Variants in GRAMD1C observed in about 807,000 individuals in gnomAD.
GRAMD1C encodes the protein protein Aster-C.
GRAMD1C carries 89 observed loss-of-function variants against 97.8 expected under a neutral mutation model. The observed-to-expected ratio is 0.91, with a 90% CI of 0.77 to 1.09. GRAMD1C has a LOEUF of 1.09. GRAMD1C is among the 50% of genes least tolerant of loss of function. The probability of loss-of-function intolerance (pLI) is 0.00; values close to 1 mark genes in which losing one functional copy is unlikely to be tolerated. For synonymous variants in GRAMD1C, 256 were observed against 267.0 expected (o/e 0.96, Z 0.40); for missense variants, 740 against 766.4 (o/e 0.97, Z 0.41).
intron 10 of GRAMD1C, among the ~76,000 whole-genome samples, chr3:113,918,904 C>T (rs2107346177): frequency 6.6e-6 from 1 of 152,246 alleles, no homozygotes; most frequent in Non-Finnish European, 1.5e-5. Context: ...CTATGTTGCC[C>T]AGGCTGGTCT....
At chr3:113,833,002 T>A (rs1223109945) in intron 1 of GRAMD1C, among the ~76,000 whole-genome samples, 1 of 152,142 alleles carries the variant, frequency 6.6e-6, no homozygotes, top group African/African-American at 2.4e-5. Flanking sequence ...TGAGAGTTTT[T>A]CAAAGCCCTT....
intron 2 of GRAMD1C, among the ~76,000 whole-genome samples, chr3:113,861,169 A>C (rs1289871989): frequency 6.6e-6 from 1 of 152,166 alleles, no homozygotes; most frequent in Non-Finnish European, 1.5e-5. Context: ...CCCTTACTTC[A>C]CACCATATAC....
chr3:113,828,243 G>GT, exon 1 of GRAMD1C: 1 of 152,278 alleles, frequency 6.6e-6, no homozygotes, highest in East Asian at 1.9e-4. Flanking sequence ...AGGAATTGAG[G>GT]TCCCAAACCA....
intron 2 of GRAMD1C, chr3:113,850,829 T>C: frequency 2.2e-6 from 1 of 461,894 alleles, no homozygotes; most frequent in Non-Finnish European, 3.5e-6. Flanking sequence ...TGAGATGGAG[T>C]ATTGCTCTGT....
At chr3:113,864,270 C>T (rs781484509) in intron 2 of GRAMD1C, among the ~76,000 whole-genome samples, 37 of 151,982 alleles carry the variant, frequency 2.4e-4, no homozygotes, top group Non-Finnish European at 4.4e-4. Context: ...TGCACCACCA[C>T]GCTCGGCTAA....
chr3:113,884,239 A>C (rs1380323615), intron 6 of GRAMD1C, among the ~76,000 whole-genome samples: 1 of 152,336 alleles, frequency 6.6e-6, no homozygotes, highest in East Asian at 1.9e-4. Flanking sequence ...ATTTAACAGT[A>C]CTAAAATAAT....
At chr3:113,935,540 G>T (rs1039046987) in intron 13 of GRAMD1C, among the ~76,000 whole-genome samples, 1 of 151,520 alleles carries the variant, frequency 6.6e-6, no homozygotes, top group South Asian at 2.1e-4. Context: ...ATATATACGT[G>T]TGTGTATATA....
At chr3:113,933,705 AT>A in intron 12 of GRAMD1C, 52 bp downstream of exon 12, 2 of 1,279,250 alleles carry the variant, frequency 1.6e-6, no homozygotes, top group Non-Finnish European at 1.1e-6. Context: ...TGTCCTGGTA[AT>A]TTATTCATCC....
At chr3:113,941,846 C>T (rs890785209) in intron 17 of GRAMD1C, among the ~76,000 whole-genome samples, 13 of 151,378 alleles carry the variant, frequency 8.6e-5, no homozygotes, top group South Asian at 2.1e-4. Flanking sequence ...CTTGAGCTCT[C>T]GACCTCAGGT....
chr3:113,925,321 C>G (rs1367343662), intron 10 of GRAMD1C, among the ~76,000 whole-genome samples: 1 of 152,170 alleles, frequency 6.6e-6, no homozygotes, highest in African/African-American at 2.4e-5. Flanking sequence ...AAACGCATCT[C>G]TACTAAGAAT....
Position 113,883,480 on chromosome 3 carries a change from G to A in GRAMD1C, c.540+648G>A, listed in dbSNP as rs1359736192. Among the ~76,000 whole-genome samples, 7 of 150,644 alleles carry A rather than the reference G, an allele frequency of 4.6e-5. No individual in the cohort carries two copies. In the East Asian group the frequency reaches 5.9e-4, roughly 13 times the overall value. On this transcript the variant is annotated intron_variant, in intron 6 of 17. Coordinates refer to ENST00000358160, the MANE Select transcript of GRAMD1C (RefSeq NM_017577.5). ...GTCGAGGCTGCGGTGAGCCATTATC[G>A]TGCCACGGCACTCCAGCCTGGGTGA...
intron 10 of GRAMD1C, among the ~76,000 whole-genome samples, chr3:113,928,135 A>G (rs1344949522): frequency 1.3e-5 from 2 of 152,148 alleles, no homozygotes; most frequent in African/African-American, 4.8e-5. Flanking sequence ...TGCTGATCCC[A>G]GAGGGGCCGC....
chr3:113,841,841 G>A (rs1369573743), intron 1 of GRAMD1C, among the ~76,000 whole-genome samples: 1 of 152,144 alleles, frequency 6.6e-6, no homozygotes, highest in African/African-American at 2.4e-5. Flanking sequence ...AGGACTACAT[G>A]TGTGTACCAC....
rs371234706 is a variant in GRAMD1C, at chr3:113,890,548, C to T, written c.540+7716C>T. ...TCACTTTCAGATTCATTGTCATTAC[C>T]GTGGGGTGCTCTATTCTAGCACTGG... On this transcript the variant is annotated intron_variant, in intron 6 of 17. Coordinates refer to ENST00000358160, the MANE Select transcript of GRAMD1C (RefSeq NM_017577.5). 1.7e-4 allele frequency: 88 copies of T among 520,266 alleles called. 1 individual carries two copies. Among genetic ancestry groups the T allele is most frequent in the African/African-American group, 1.5e-3 (79 of 52,020 alleles). The allele number at this position is 520,266 out of a possible 1,614,324, so 32.2% of individuals were successfully genotyped here.
intron 17 of GRAMD1C, among the ~76,000 whole-genome samples, chr3:113,941,350 G>C (rs1484917522): frequency 6.6e-6 from 1 of 152,016 alleles, no homozygotes; most frequent in Non-Finnish European, 1.5e-5. Flanking sequence ...AATTTTTCTT[G>C]AGTCATATAG....
chr3:113,842,526 T>C (rs1933375699), intron 1 of GRAMD1C, among the ~76,000 whole-genome samples: 1 of 151,270 alleles, frequency 6.6e-6, no homozygotes, highest in South Asian at 2.1e-4. Context: ...CCTCTCTTTT[T>C]GGAGGTTACT....
At chr3:113,910,880 G>A (rs1936544199) in intron 9 of GRAMD1C, among the ~76,000 whole-genome samples, 1 of 152,106 alleles carries the variant, frequency 6.6e-6, no homozygotes, top group African/African-American at 2.4e-5. Flanking sequence ...GGACAGAGGT[G>A]TGCCAAGCCT....
intron 6 of GRAMD1C, among the ~76,000 whole-genome samples, chr3:113,887,096 G>GTTTTTTTTTTTTTTTTTTTT (rs59820635): frequency 1.1e-5 from 1 of 94,048 alleles, no homozygotes. Context: ...TTTTTTTTTT[G>GTTTTTTTTTTTTTTTTTTTT]TTTTTTTTTT....
rs1934916600 is a variant in GRAMD1C, at chr3:113,873,547, C to G, written c.260-1937C>G. Among the ~76,000 whole-genome samples the G allele has an allele frequency of 2.0e-5, 3 of 151,878 alleles. No individual in the cohort carries two copies. In the South Asian group the frequency reaches 6.2e-4, roughly 32 times the overall value. The stretch of plus-strand genomic sequence containing the variant: ...TTATTTTTTTTTTTGGAGACAGACT[C>G]TCACTCTGTTGCCCAGGCTGGAGTG... On this transcript the variant is annotated intron_variant, in intron 3 of 17. Transcript: ENST00000358160.
Sources: allele counts gnomAD v4.1 joint callset (sites outside exome capture counted in the v4.1 genomes callset), GRCh38; gene constraint gnomAD v4.1.1; transcripts MANE v1.5; gene names NCBI Gene and HGNC (gene_info 2026-07-23, HGNC 2026-07-21).